PTCHD4: variants seen among roughly 807,000 people sequenced by gnomAD.
The protein encoded by PTCHD4 is patched domain containing 4, also known as patched domain-containing protein 4.
In PTCHD4, 33 loss-of-function variants were observed where a neutral mutation model predicts 58.1. The observed-to-expected ratio is 0.57, with a 90% confidence interval of 0.43 to 0.76. The LOEUF is 0.76. PTCHD4 is among the 30% of genes least tolerant of loss of function. PTCHD4 has a pLI of 0.00. For synonymous variants in PTCHD4, 478 were observed against 409.6 expected (o/e 1.17, Z -2.02); for missense variants, 1,058 against 1,027.1 (o/e 1.03, Z -0.41).
intron 4 of PTCHD4, among the ~76,000 whole-genome samples, chr6:47,995,822 G>A (rs1768465228): frequency 6.6e-6 from 1 of 152,142 alleles, no homozygotes; most frequent in South Asian, 2.1e-4. Flanking sequence ...ACTCCAGGAA[G>A]TACATGGATA....
intron 1 of PTCHD4, among the ~76,000 whole-genome samples, chr6:48,095,329 C>T (rs1765442779): frequency 1.3e-5 from 2 of 152,178 alleles, no homozygotes; most frequent in East Asian, 1.9e-4. Context: ...ACCTGTCTGA[C>T]ATAGGATATC....
At position 47,915,847 on chromosome 6, in the gene PTCHD4, C is replaced by A. The variant is rs142359267; in HGVS notation, c.899-35911G>T. Among the ~76,000 whole-genome samples the A allele has an allele frequency of 2.0e-5, 3 of 152,160 alleles. No individual in the cohort carries two copies. In the East Asian group the frequency reaches 5.8e-4, roughly 29 times the overall value. Reference sequence around the variant, plus strand: ...AATCAGTAACAAAGGCTGCAAGATACCATTGACTGTCTCAGTGCAAAAGAG... The same window carrying A: ...AATCAGTAACAAAGGCTGCAAGATAACATTGACTGTCTCAGTGCAAAAGAG... On this transcript the variant is annotated intron_variant, in intron 4 of 4. Coordinates refer to ENST00000339488, the MANE Select transcript of PTCHD4 (RefSeq NM_001384253.1).
At chr6:47,892,181 T>A (rs1289207921) in intron 4 of PTCHD4, among the ~76,000 whole-genome samples, 1 of 152,096 alleles carries the variant, frequency 6.6e-6, no homozygotes, top group Non-Finnish European at 1.5e-5. Flanking sequence ...AGAAGAGCAA[T>A]GAATGGAATA....
chr6:48,027,454 C>T (rs1291031515), intron 3 of PTCHD4, among the ~76,000 whole-genome samples: 1 of 151,982 alleles, frequency 6.6e-6, no homozygotes, highest in Admixed American at 6.6e-5. Context: ...AAATAGGTAA[C>T]AGGAAAATAG....
chr6:47,903,874 T>C (rs1436695370), intron 4 of PTCHD4, among the ~76,000 whole-genome samples: 1 of 152,160 alleles, frequency 6.6e-6, no homozygotes, highest in Non-Finnish European at 1.5e-5. Flanking sequence ...GGATTTTTGA[T>C]AGGGCAGCCA....
Position 48,083,908 on chromosome 6 carries a change from G to T in PTCHD4, c.-969-13982C>A, listed in dbSNP as rs140377306. Among the ~76,000 whole-genome samples the T allele has an allele frequency of 2.7e-3, 418 of 152,162 alleles. 2 individuals carry two copies. The highest frequency in any genetic ancestry group is 8.6e-3 in the African/African-American group (358 of 41,510). On this transcript the variant is annotated intron_variant, in intron 1 of 4. Transcript: ENST00000339488. ...CAGCTATGTTAATACCTTGATTTTCGTCTCAAGAGATTTCTAAGCAGAGGA... is the reference window on the plus strand; with the variant it reads ...CAGCTATGTTAATACCTTGATTTTCTTCTCAAGAGATTTCTAAGCAGAGGA...
intron 1 of PTCHD4, among the ~76,000 whole-genome samples, chr6:48,078,750 T>G (rs900313516): frequency 6.6e-6 from 1 of 152,184 alleles, no homozygotes; most frequent in African/African-American, 2.4e-5. Flanking sequence ...AAGGCCTTCT[T>G]CAAAGTACTC....
At chr6:48,003,613 T>C (rs961847807) in intron 4 of PTCHD4, among the ~76,000 whole-genome samples, 1 of 152,216 alleles carries the variant, frequency 6.6e-6, no homozygotes, top group Non-Finnish European at 1.5e-5. Flanking sequence ...TCTTGCCCCA[T>C]TGCAAATTAA....
intron 4 of PTCHD4, among the ~76,000 whole-genome samples, chr6:47,975,990 C>A (rs981131063): frequency 6.6e-6 from 1 of 152,182 alleles, no homozygotes; most frequent in South Asian, 2.1e-4. Context: ...CTTGTCCTTT[C>A]TGGTTGGCAA....
At chr6:47,973,877 TG>T (rs1475685383) in intron 4 of PTCHD4, among the ~76,000 whole-genome samples, 5 of 152,176 alleles carry the variant, frequency 3.3e-5, no homozygotes, top group Non-Finnish European at 7.3e-5. Context: ...TCAATTACTT[TG>T]GGTTAAGCAT....
chr6:48,103,732 T>C (rs1218388228), intron 1 of PTCHD4, among the ~76,000 whole-genome samples: 1 of 151,966 alleles, frequency 6.6e-6, no homozygotes, highest in African/African-American at 2.4e-5. Context: ...CTAACTAGAA[T>C]AAGCAATGCA....
chr6:47,956,442 AT>A (rs933564852), intron 4 of PTCHD4, among the ~76,000 whole-genome samples: 3 of 148,866 alleles, frequency 2.0e-5, no homozygotes, highest in South Asian at 2.1e-4. Context: ...TTTTATTTTT[AT>A]TTTTTTTTGA....
intron 3 of PTCHD4, among the ~76,000 whole-genome samples, chr6:48,034,581 T>C (rs1013423623): frequency 1.3e-5 from 2 of 152,100 alleles, no homozygotes; most frequent in African/African-American, 4.8e-5. Context: ...ATCTTGGAGA[T>C]AGTATTGTTG....
intron 3 of PTCHD4, among the ~76,000 whole-genome samples, chr6:48,034,556 A>C (rs778058886): frequency 1.3e-5 from 2 of 152,154 alleles, no homozygotes; most frequent in African/African-American, 4.8e-5. Flanking sequence ...TGAGGGTGGA[A>C]AAACAATAAA....
chr6:47,921,037 C>T (rs559992625), intron 4 of PTCHD4, among the ~76,000 whole-genome samples: 41 of 151,748 alleles, frequency 2.7e-4, no homozygotes, highest in Admixed American at 7.2e-4. Context: ...AAAGAGACAT[C>T]GATTAAAACA....
intron 4 of PTCHD4, among the ~76,000 whole-genome samples, chr6:47,882,720 T>C (rs1764054761): frequency 1.8e-5 from 1 of 56,874 alleles, no homozygotes; most frequent in African/African-American, 4.9e-5. Flanking sequence ...TTGCTATGAA[T>C]CCATTTCTAA....
At chr6:48,081,449 T>C (rs1765165427) in intron 1 of PTCHD4, among the ~76,000 whole-genome samples, 1 of 152,182 alleles carries the variant, frequency 6.6e-6, no homozygotes, top group South Asian at 2.1e-4. Context: ...TTGGTCAGAT[T>C]ATTTAACCAC....
At chr6:47,976,537 C>G (rs995142347) in intron 4 of PTCHD4, among the ~76,000 whole-genome samples, 1 of 151,796 alleles carries the variant, frequency 6.6e-6, no homozygotes, top group African/African-American at 2.4e-5. Flanking sequence ...ACCTGTAATC[C>G]CAGTTACTTG....
chr6:48,035,891 CGTTG>C (rs1272257823), intron 3 of PTCHD4, among the ~76,000 whole-genome samples: 2 of 152,094 alleles, frequency 1.3e-5, no homozygotes, highest in African/African-American at 4.8e-5. Context: ...TTCGCACTTT[CGTTG>C]GTTGTATTCA....
Sources: allele counts gnomAD v4.1 joint callset (sites outside exome capture counted in the v4.1 genomes callset), GRCh38; gene constraint gnomAD v4.1.1; transcripts MANE v1.5; gene names NCBI Gene and HGNC (gene_info 2026-07-23, HGNC 2026-07-21).